SORCS2: variants seen among roughly 807,000 people sequenced by gnomAD.
The protein encoded by SORCS2 is VPS10 domain-containing receptor SorCS2.
Under a neutral mutation model 141.6 loss-of-function variants are expected in SORCS2, and 100 were observed. The observed-to-expected ratio is 0.71, with a 90% confidence interval of 0.60 to 0.83. The LOEUF (loss-of-function observed/expected upper bound fraction) is 0.83, where lower values mean the gene tolerates loss of function less well. Ranked by LOEUF, SORCS2 falls within the 40% of genes least tolerant of loss-of-function variation. The pLI is 0.00. For missense variants in SORCS2, 1,646 were observed against 1,560.2 expected, an observed-to-expected ratio of 1.05 and a Z score of -0.93; for synonymous variants, 789 against 676.9, an observed-to-expected ratio of 1.17 and a Z score of -2.57.
At chr4:7,706,589 G>A in intron 14 of SORCS2, among the ~76,000 whole-genome samples, 1 of 143,424 alleles carries the variant, frequency 7.0e-6, no homozygotes, top group Non-Finnish European at 1.5e-5. Flanking sequence ...CTCTGTCTGG[G>A]CAGGGATGAG....
Position 7,663,486 on chromosome 4 carries a change from A to G in SORCS2, c.953-867A>G, listed in dbSNP as rs550597611. Among the ~76,000 whole-genome samples, 114 of 152,310 alleles carry G rather than the reference A, an allele frequency of 7.5e-4. No individual in the cohort carries two copies. The highest frequency in any genetic ancestry group is 2.3e-3 in the African/African-American group (96 of 41,566). ...CGGGCACACCAGTCAGTTTCAAGGG[A>G]ACATGGATGTGGCTCAGGAGGGCTT... On this transcript the variant is annotated intron_variant, in intron 6 of 26. Coordinates refer to ENST00000507866, the MANE Select transcript of SORCS2 (RefSeq NM_020777.3). The surrounding 1 kb of genome is among the most constrained non-coding windows in gnomAD (Gnocchi z 4.8).
intron 2 of SORCS2, among the ~76,000 whole-genome samples, chr4:7,499,173 T>G (rs1224860098): frequency 1.3e-5 from 2 of 151,804 alleles, no homozygotes; most frequent in Non-Finnish European, 2.9e-5. Context: ...TGTGAGTGCA[T>G]GTATGTGTAT....
intron 17 of SORCS2, among the ~76,000 whole-genome samples, chr4:7,717,742 T>C (rs1163403572): frequency 6.6e-6 from 1 of 152,212 alleles, no homozygotes. Context: ...GTGAGTAATA[T>C]GATCAGACCA....
rs538550874 is a variant in SORCS2 at position 7,682,520 on chromosome 4, T to G, written c.1342-223T>G. ...ATGAAAATCATTCAGGCTTCAGAGC[T>G]AGACAGAACTAGCTTCCCACTAAAA... On this transcript the variant is annotated intron_variant, in intron 9 of 26. Transcript: ENST00000507866. 3.3e-5 allele frequency among the ~76,000 whole-genome samples: 5 copies of G among 152,262 alleles called. No homozygotes were observed. In the South Asian group the frequency reaches 6.2e-4, roughly 19 times the overall value.
chr4:7,427,608 C>T (rs1252586982), intron 2 of SORCS2, among the ~76,000 whole-genome samples: 1 of 152,116 alleles, frequency 6.6e-6, no homozygotes, highest in Non-Finnish European at 1.5e-5. Context: ...GTCTGGGTTT[C>T]ATTGGTTATG....
At chr4:7,432,084 A>C (rs1018971031) in intron 2 of SORCS2, 1 of 152,468 alleles carries the variant, frequency 6.6e-6, no homozygotes, top group African/African-American at 2.4e-5. Context: ...TAGGGGGGCC[A>C]AACAGCAGGA....
intron 2 of SORCS2, among the ~76,000 whole-genome samples, chr4:7,521,191 C>T (rs74668548): frequency 8.9e-4 from 136 of 152,202 alleles, no homozygotes; most frequent in African/African-American, 3.2e-3. Flanking sequence ...GCAATGATCT[C>T]GCTAACTCCT....
At chr4:7,339,354 AG>A (rs1720227702) in intron 1 of SORCS2, among the ~76,000 whole-genome samples, 1 of 152,248 alleles carries the variant, frequency 6.6e-6, no homozygotes, top group Admixed American at 6.5e-5. Flanking sequence ...CAGCTGGTGT[AG>A]GAAAGTTGTA....
At chr4:7,534,315 C>A (rs191118772) in intron 3 of SORCS2, among the ~76,000 whole-genome samples, 79 of 144,716 alleles carry the variant, frequency 5.5e-4, no homozygotes, top group African/African-American at 1.9e-3. Flanking sequence ...TATCCTCAGT[C>A]CAGCTCTGCC....
At chr4:7,298,434 G>C (rs1472697002) in intron 1 of SORCS2, among the ~76,000 whole-genome samples, 1 of 152,166 alleles carries the variant, frequency 6.6e-6, no homozygotes, top group African/African-American at 2.4e-5. Context: ...CAACAGTGCA[G>C]ACTTTTCTGG....
In SORCS2 at chr4:7,285,038, T is replaced by TAG. The variant is rs1560164185; in HGVS notation, c.480+91912_480+91913insAG. Among the ~76,000 whole-genome samples, 45 of 34,392 alleles carry TAG rather than the reference T, an allele frequency of 1.3e-3. 1 individual carries two copies. The highest frequency in any genetic ancestry group is 2.5e-3 in the Non-Finnish European group (37 of 14,984). The allele number at this position is 34,392 out of a possible 152,430, so 22.6% of individuals were successfully genotyped here. A position where few individuals can be genotyped will look rare whatever the true frequency, so the allele number is the denominator to read the frequency against. Reference sequence around the variant, plus strand: ...GACCATCCCATATATATATATATATTTTTTTTTTTTTGAGATGGAGTTTCA... The same window carrying TAG: ...GACCATCCCATATATATATATATATTAGTTTTTTTTTTTGAGATGGAGTTTCA... On this transcript the variant is annotated intron_variant, in intron 1 of 26. Transcript: ENST00000507866.
chr4:7,452,958 TG>T (rs1325330041), intron 2 of SORCS2, among the ~76,000 whole-genome samples: 1 of 100,842 alleles, frequency 9.9e-6, no homozygotes, highest in African/African-American at 4.0e-5. Flanking sequence ...TGCTGTGTGT[TG>T]GGGTCAGGTG....
At chr4:7,597,539 ATT>A (rs1717358838) in intron 3 of SORCS2, among the ~76,000 whole-genome samples, 1 of 143,222 alleles carries the variant, frequency 7.0e-6, no homozygotes, top group African/African-American at 2.6e-5. Flanking sequence ...GCGGGGGGCT[ATT>A]GCAATAGGGA....
chr4:7,251,055 G>A (rs1209310836), intron 1 of SORCS2, among the ~76,000 whole-genome samples: 1 of 152,246 alleles, frequency 6.6e-6, no homozygotes, highest in East Asian at 1.9e-4. Context: ...AGCTCTGTGG[G>A]TCCCAGTATC....
intron 3 of SORCS2, among the ~76,000 whole-genome samples, chr4:7,599,240 C>T (rs1577816561): frequency 6.6e-6 from 1 of 152,160 alleles, no homozygotes; most frequent in Admixed American, 6.5e-5. Flanking sequence ...GCCCCTTCTG[C>T]CCTTCAGCCT....
intron 3 of SORCS2, among the ~76,000 whole-genome samples, chr4:7,578,709 AC>A (rs1245783552): frequency 1.3e-5 from 2 of 152,088 alleles, no homozygotes; most frequent in African/African-American, 4.8e-5. Flanking sequence ...GCTTGTTCCC[AC>A]CCCGACTTGA....
intron 2 of SORCS2, among the ~76,000 whole-genome samples, chr4:7,476,054 C>A (rs773877583): frequency 6.6e-6 from 1 of 152,160 alleles, no homozygotes; most frequent in African/African-American, 2.4e-5. Context: ...TGAAGGCTCT[C>A]GCTGGCCTAT....
intron 1 of SORCS2, among the ~76,000 whole-genome samples, chr4:7,252,199 C>T (rs543187959): frequency 2.3e-4 from 35 of 152,254 alleles, no homozygotes; most frequent in African/African-American, 7.7e-4. Context: ...GCTGGGGAGT[C>T]GCCAAGGAGG....
At chr4:7,651,528 A>G (rs566108153) in intron 4 of SORCS2, among the ~76,000 whole-genome samples, 34 of 152,324 alleles carry the variant, frequency 2.2e-4, no homozygotes, top group Non-Finnish European at 1.5e-4. Context: ...TTGCTGTGCC[A>G]GACCCCTGTT....
Sources: allele counts gnomAD v4.1 joint callset (sites outside exome capture counted in the v4.1 genomes callset), GRCh38; gene constraint gnomAD v4.1.1; non-coding constraint Gnocchi (gnomAD v3.1); transcripts MANE v1.5; gene names NCBI Gene and HGNC (gene_info 2026-07-23, HGNC 2026-07-21).